KCNG4: variants seen among roughly 807,000 people sequenced by gnomAD.
The protein encoded by KCNG4 is potassium voltage-gated channel modifier subfamily G member 4, also known as voltage-gated potassium channel regulatory subunit KCNG4.
A neutral mutation model predicts 28.2 loss-of-function variants in KCNG4; 30 were observed. That is an observed-to-expected ratio of 1.06 (90% CI 0.80 to 1.44). The LOEUF is 1.44. Among genes scored for constraint, KCNG4 ranks in the 40% most tolerant of loss-of-function variants. The pLI is 0.00. For synonymous variants in KCNG4, 375 were observed against 315.5 expected (o/e 1.19, Z -2.00); for missense variants, 879 against 712.3 (o/e 1.23, Z -2.66).
intron 2 of KCNG4, among the ~76,000 whole-genome samples, chr16:84,227,962 T>C (rs1904734612): frequency 6.6e-6 from 1 of 152,004 alleles, no homozygotes; most frequent in African/African-American, 2.4e-5. Context: ...TCCACGATGA[T>C]ACTAAAGACC....
rs113078560 is a variant in KCNG4, at chr16:84,228,802, C to T, written c.757-5782G>A. ...TCATCCCACAGGGCGATTGTGGGCA[C>T]CCGGGAGACCCGCTGAGGGATGCTG... is the stretch of plus-strand genomic sequence containing the variant. On this transcript the variant is annotated intron_variant, in intron 2 of 2. Transcript: ENST00000308251. Among the ~76,000 whole-genome samples the T allele has an allele frequency of 5.5e-3, 838 of 152,358 alleles. 10 individuals are homozygous for T. The highest frequency in any genetic ancestry group is 0.019 in the African/African-American group (779 of 41,584).
intron 2 of KCNG4, among the ~76,000 whole-genome samples, chr16:84,225,212 G>C (rs929190880): frequency 3.9e-5 from 6 of 152,052 alleles, no homozygotes; most frequent in Non-Finnish European, 8.8e-5. Flanking sequence ...AGCCCACCGA[G>C]AGGTCTTTGC....
intron 2 of KCNG4, chr16:84,236,125 G>A (rs1311509505): frequency 6.6e-6 from 1 of 152,508 alleles, no homozygotes; most frequent in African/African-American, 2.4e-5. Context: ...GGGAAACTGA[G>A]GCCGGGGACC....
Position 84,236,757 on chromosome 16 carries a change from C to T in KCNG4, c.729G>A (p.Met243Ile), listed in dbSNP as rs758559013. The T allele has an allele frequency of 2.5e-6, 4 of 1,613,334 alleles. No individual in the cohort carries two copies. The highest frequency in any genetic ancestry group is 3.4e-6 in the Non-Finnish European group (4 of 1,179,878). The part of the protein sequence containing the change: ...TTAVSLCVST[M>I]PDLRAEEDQG... ...GGTCCTCCTCTGCCCTGAGGTCGGGCATGGTGCTGACACACAGGCTGACGG... is the reference window on the plus strand; with the variant it reads ...GGTCCTCCTCTGCCCTGAGGTCGGGTATGGTGCTGACACACAGGCTGACGG... Residue 243 changes from methionine to isoleucine, a missense_variant, in exon 2 of 3, where the codon ATG becomes ATA. By Grantham distance (10) the Met-to-Ile change is conservative. Coordinates refer to ENST00000308251, the MANE Select transcript of KCNG4 (RefSeq NM_172347.3).
intron 2 of KCNG4, chr16:84,236,324 C>G (rs1904947098): frequency 3.6e-6 from 1 of 277,336 alleles, no homozygotes; most frequent in Non-Finnish European, 6.7e-6. Flanking sequence ...GTTGAGTTCA[C>G]TGGGTGAGTA....
Position 84,222,532 on chromosome 16 carries a change from G to A in KCNG4, c.1245C>T (p.Ser415=), listed in dbSNP as rs1380778524. The A allele has an allele frequency of 1.9e-6, 3 of 1,613,464 alleles. No homozygotes were observed. The highest frequency in any genetic ancestry group is 2.5e-6 in the Non-Finnish European group (3 of 1,179,926). ...IPASYWWAII[S]MTTVGYGDMV... ...TGTCCCCGTAGCCCACCGTTGTCAT[G>A]GAGATGATGGCCCACCAATAGGAGG... Residue 415 remains serine, a synonymous_variant, in exon 3 of 3, where the codon TCC becomes TCT. Coordinates refer to ENST00000308251, the MANE Select transcript of KCNG4 (RefSeq NM_172347.3).
intron 2 of KCNG4, among the ~76,000 whole-genome samples, chr16:84,232,844 A>G (rs1904857539): frequency 7.0e-6 from 1 of 143,222 alleles, no homozygotes; most frequent in Non-Finnish European, 1.5e-5. Context: ...GGCTGCAGTG[A>G]GCTGAGATTG....
At position 84,226,988 on chromosome 16, in the gene KCNG4, G is replaced by A. The variant is rs1184601333; in HGVS notation, c.757-3968C>T. ...ATATTATTCTATTTACCTTGTAAAT[G>A]TCTGAAGTTCTCCATGATGAAAAGT... On this transcript the variant is annotated intron_variant, in intron 2 of 2. Transcript: ENST00000308251. This position sits in a 1 kb window ranked among gnomAD's most constrained non-coding sequence, Gnocchi z 4.1. Among the ~76,000 whole-genome samples, 1 of 151,948 alleles carries A rather than the reference G, an allele frequency of 6.6e-6. No homozygotes were observed. The highest frequency in any genetic ancestry group is 1.5e-5 in the Non-Finnish European group (1 of 67,990).
In KCNG4 at chr16:84,237,235, C is replaced by T; in HGVS notation, c.251G>A (p.Arg84His). 6 of 1,614,056 alleles carry T rather than the reference C, an allele frequency of 3.7e-6. No homozygotes were observed. The South Asian group carries it at 4.4e-5, about 12-fold the overall frequency. Residue 84 changes from arginine (R) to histidine (H), a missense_variant, in exon 2 of 3, where the codon CGC (arginine) becomes CAC (histidine). Arg to His is a conservative substitution (Grantham distance 29, BLOSUM62 0). Coordinates refer to ENST00000308251, the MANE Select transcript of KCNG4 (RefSeq NM_172347.3). ...WSTLDRFPLS[R>H]LSKLRLCRSY... ...CCGACAGAGCCTGAGTTTGCTCAGG[C>T]GGCTCAGCGGGAACCGGTCCAGTGT...
chr16:84,234,247 C>T (rs1030098011), intron 2 of KCNG4, among the ~76,000 whole-genome samples: 1 of 152,316 alleles, frequency 6.6e-6, no homozygotes, highest in Admixed American at 6.5e-5. Flanking sequence ...AATCTTGGCT[C>T]ACTGCAACCT....
chr16:84,237,447 T>A lies in KCNG4; in HGVS notation c.39A>T (p.Arg13Ser), dbSNP rs113902922. 1.3e-6 allele frequency: 2 copies of A among 1,504,958 alleles called. No homozygotes were observed. The highest frequency in any genetic ancestry group is 1.8e-6 in the Non-Finnish European group (2 of 1,127,696). 93.2% of individuals were successfully genotyped at this position (1,504,958 alleles called of 1,614,324 possible). The change falls in exon 2 of 3, where the codon AGA (arginine) becomes AGT (serine). Residue 13 changes from arginine to serine, a missense_variant. By Grantham distance (110) the Arg-to-Ser change is moderately radical. Transcript: ENST00000308251. ...MPSRDGGLHP[R>S]HHHYGSHSPW... ...GGCTGTGGGAACCATAGTGGTGGTG[T>A]CTGGGATGCAGGCCCCCGTCTCTGG...
chr16:84,236,631 T>G, intron 2 of KCNG4, 99 bp downstream of exon 2: 11 of 1,220,612 alleles, frequency 9.0e-6, no homozygotes, highest in Non-Finnish European at 1.1e-5. Flanking sequence ...TTTTTCTTCT[T>G]ATTTTAAGAT....
In KCNG4 at chr16:84,237,332, C is replaced by G; in HGVS notation, c.154G>C (p.Ala52Pro). The change falls in exon 2 of 3, where the codon GCC becomes CCC. Residue 52 changes from alanine (A) to proline (P), a missense_variant. Transcript: ENST00000308251. ...RRVRKVGALD[A>P]SPVDLKKEIL... ...TCCTTCTTCAGGTCCACTGGGGAGGCGTCCAGGGCACCCACCTTCCGCACC... is the reference window on the plus strand; with the variant it reads ...TCCTTCTTCAGGTCCACTGGGGAGGGGTCCAGGGCACCCACCTTCCGCACC... 1 of 1,578,696 alleles carries G rather than the reference C, an allele frequency of 6.3e-7. No individual in the cohort carries two copies. The highest frequency in any genetic ancestry group is 8.6e-7 in the Non-Finnish European group (1 of 1,162,246).
Position 84,222,113 on chromosome 16 carries a change from T to A in KCNG4, c.*104A>T, listed in dbSNP as rs1567622946. 1.9e-5 allele frequency: 23 copies of A among 1,221,008 alleles called. No homozygotes were observed. The highest frequency in any genetic ancestry group is 2.0e-5 in the Non-Finnish European group (17 of 850,976). The allele number at this position is 1,221,008 out of a possible 1,614,324, so 75.6% of individuals were successfully genotyped here. A position where few individuals can be genotyped will look rare whatever the true frequency, so the allele number is the denominator to read the frequency against. On this transcript the variant is annotated 3_prime_UTR_variant, in exon 3 of 3. Coordinates refer to ENST00000308251, the MANE Select transcript of KCNG4 (RefSeq NM_172347.3). ...CCCCTCCAGCTTTGAAAGTCTTCCC[T>A]GGGCTCTAGAAACACCACCAGGTGG... is the stretch of plus-strand genomic sequence containing the variant.
intron 2 of KCNG4, among the ~76,000 whole-genome samples, chr16:84,233,319 C>A (rs1013575207): frequency 4.6e-5 from 7 of 152,230 alleles, no homozygotes; most frequent in African/African-American, 1.7e-4. Flanking sequence ...ATCATGCTGG[C>A]CTGAGAGCTG....
intron 2 of KCNG4, among the ~76,000 whole-genome samples, chr16:84,228,954 T>G (rs980809920): frequency 2.6e-5 from 4 of 152,152 alleles, no homozygotes; most frequent in African/African-American, 7.2e-5. Context: ...CTTGGGCGGG[T>G]TGGATGGCTG....
At chr16:84,229,264 G>A (rs1904770253) in intron 2 of KCNG4, among the ~76,000 whole-genome samples, 1 of 150,630 alleles carries the variant, frequency 6.6e-6, no homozygotes, top group Admixed American at 6.6e-5. Context: ...TTGCACTCCA[G>A]CCTGGGCAAC....
chr16:84,230,317 A>C (rs1904796971), intron 2 of KCNG4, among the ~76,000 whole-genome samples: 1 of 148,974 alleles, frequency 6.7e-6, no homozygotes, highest in African/African-American at 2.5e-5. Flanking sequence ...AGGCAGGAGA[A>C]TCGCTTGAAC....
Position 84,236,822 on chromosome 16 carries a change from C to G in KCNG4, c.664G>C (p.Val222Leu). Residue 222 changes from valine to leucine, a missense_variant, in exon 2 of 3, where the codon GTC becomes CTC. Transcript: ENST00000308251. ...AAGAGGATGGAGAGGCAAGCGAAGA[C>G]CTTCCCGGGCAGCCCGGACTGCGGG... is the stretch of plus-strand genomic sequence containing the variant. ...ENPQSGLPGK[V>L]FACLSILFVA... 2 of 1,613,718 alleles carry G rather than the reference C, an allele frequency of 1.2e-6. No homozygotes were observed. The highest frequency in any genetic ancestry group is 1.7e-6 in the Non-Finnish European group (2 of 1,180,046).
Sources: gnomAD v4.1 joint callset for allele counts (sites outside exome capture counted in the v4.1 genomes callset) on GRCh38, gnomAD v4.1.1 for gene constraint, Gnocchi (gnomAD v3.1) non-coding constraint, MANE v1.5 for transcripts, NCBI Gene and HGNC (gene_info 2026-07-23, HGNC 2026-07-21) for gene names.